AMN1: variants seen among roughly 807,000 people sequenced by gnomAD.
AMN1 encodes antagonist of mitotic exit network 1 homolog.
Under a neutral mutation model 33.0 loss-of-function variants are expected in AMN1, and 20 were observed. The observed-to-expected ratio is 0.61, with a 90% CI of 0.43 to 0.88. The LOEUF is 0.88. Ranked by LOEUF, AMN1 falls within the 40% of genes least tolerant of loss-of-function variation. AMN1 has a pLI of 0.00. For synonymous variants in AMN1, 114 were observed against 111.9 expected (o/e 1.02, Z -0.12); for missense variants, 246 against 307.4 (o/e 0.80, Z 1.49).
chr12:31,709,174 A>AT, intron 2 of AMN1, 119 bp downstream of exon 2: 3 of 495,778 alleles, frequency 6.1e-6, no homozygotes, highest in Non-Finnish European at 9.1e-6. Context: ...GACCCTGTAT[A>AT]AAAAAAAAAA....
In AMN1 at chr12:31,704,877, G is replaced by C. The variant is rs567572913; in HGVS notation, c.172-2870C>G. On this transcript the variant is annotated intron_variant, in intron 2 of 6. Transcript: ENST00000281471. ...CCATCAAACAAAAACCTAAGTCACT[G>C]AAGGATAAGCTAAAGGGATAGTAAG... Among the ~76,000 whole-genome samples the C allele has an allele frequency of 1.4e-4, 21 of 152,276 alleles. No homozygotes were observed. The South Asian group carries it at 3.9e-3, about 29-fold the overall frequency.
At chr12:31,677,901 T>G (rs957474469) in intron 6 of AMN1, among the ~76,000 whole-genome samples, 1 of 152,192 alleles carries the variant, frequency 6.6e-6, no homozygotes, top group Non-Finnish European at 1.5e-5. Context: ...AATTCTCTGA[T>G]GTACCCTTGT....
At position 31,677,821 on chromosome 12, in the gene AMN1, G is replaced by A. The variant is rs138569565; in HGVS notation, c.704-5444C>T. Among the ~76,000 whole-genome samples, 344 of 152,192 alleles carry A rather than the reference G, an allele frequency of 2.3e-3. 4 individuals carry two copies. The highest frequency in any genetic ancestry group is 7.9e-3 in the African/African-American group (327 of 41,532). ...GAAACTAGAACCCTTTTCCCCAAAGGAAGACATAAAACCTACAAATATTAC... is the reference window on the plus strand; with the variant it reads ...GAAACTAGAACCCTTTTCCCCAAAGAAAGACATAAAACCTACAAATATTAC... On this transcript the variant is annotated intron_variant, in intron 6 of 6. Coordinates refer to ENST00000281471, the MANE Select transcript of AMN1 (RefSeq NM_001113402.2).
At chr12:31,706,922 C>G (rs1939265474) in intron 2 of AMN1, among the ~76,000 whole-genome samples, 1 of 152,018 alleles carries the variant, frequency 6.6e-6, no homozygotes, top group South Asian at 2.1e-4. Context: ...CTGATTCCAT[C>G]AGGAGCAGAG....
At chr12:31,704,559 T>C (rs892156836) in intron 2 of AMN1, among the ~76,000 whole-genome samples, 2 of 152,072 alleles carry the variant, frequency 1.3e-5, no homozygotes, top group East Asian at 1.9e-4. Context: ...TCCATCCAAC[T>C]TTTTTTCTTG....
intron 5 of AMN1, among the ~76,000 whole-genome samples, chr12:31,695,269 GA>G (rs1218554778): frequency 6.6e-6 from 1 of 151,898 alleles, no homozygotes; most frequent in East Asian, 1.9e-4. Context: ...TAATTTAACT[GA>G]GAACTTTATT....
Position 31,687,816 on chromosome 12 carries a change from G to T in AMN1, c.703+1191C>A, listed in dbSNP as rs1938332848. Among the ~76,000 whole-genome samples, 1 of 152,112 alleles carries T rather than the reference G, an allele frequency of 6.6e-6. No individual in the cohort carries two copies. On this transcript the variant is annotated intron_variant, in intron 6 of 6. Coordinates refer to ENST00000281471, the MANE Select transcript of AMN1 (RefSeq NM_001113402.2). This position sits in a 1 kb window ranked among gnomAD's most constrained non-coding sequence, Gnocchi z 4.1. ...ATATTACGGTGTGGACCTATTATAG[G>T]GGTAATATGAAAGGGTGCCATGGTT...
intron 1 of AMN1, among the ~76,000 whole-genome samples, chr12:31,722,277 GTGTTA>G (rs1407007458): frequency 6.6e-6 from 1 of 152,078 alleles, no homozygotes; most frequent in Non-Finnish European, 1.5e-5. Context: ...TGATCAAAAT[GTGTTA>G]TGTTTTTGGT....
chr12:31,722,493 CT>C, intron 1 of AMN1, among the ~76,000 whole-genome samples: 1 of 152,230 alleles, frequency 6.6e-6, no homozygotes, highest in Admixed American at 6.5e-5. Context: ...TCACACTCTC[CT>C]GGTCCATGCA....
chr12:31,691,086 C>T (rs1185444897), intron 5 of AMN1, among the ~76,000 whole-genome samples: 2 of 150,042 alleles, frequency 1.3e-5, no homozygotes, highest in Admixed American at 6.7e-5. Flanking sequence ...TGCAGTGAGC[C>T]GAGATCATGC....
intron 6 of AMN1, chr12:31,673,507 T>C (rs1211962737): frequency 1.3e-5 from 3 of 238,540 alleles, no homozygotes; most frequent in Non-Finnish European, 2.6e-5. Flanking sequence ...CAATCAAAGA[T>C]AGATTCAAAT....
At chr12:31,727,969 A>C (rs930231653) in intron 1 of AMN1, among the ~76,000 whole-genome samples, 4 of 151,752 alleles carry the variant, frequency 2.6e-5, no homozygotes, top group African/African-American at 9.7e-5. Flanking sequence ...TCCTGATCTC[A>C]AGTGCCTCGG....
upstream of AMN1, chr12:31,729,044 G>C (rs2139744461): frequency 6.6e-7 from 1 of 1,524,982 alleles, no homozygotes; most frequent in Non-Finnish European, 8.9e-7. Context: ...GCGGTCCCAG[G>C]GCCTCCAGAA....
intron 1 of AMN1, among the ~76,000 whole-genome samples, chr12:31,717,120 C>T (rs1182453699): frequency 6.6e-6 from 1 of 152,082 alleles, no homozygotes; most frequent in Non-Finnish European, 1.5e-5. Flanking sequence ...TCCCCCCAAC[C>T]ACAGGCCCCG....
intron 6 of AMN1, among the ~76,000 whole-genome samples, chr12:31,682,432 G>A (rs1044698744): frequency 6.6e-6 from 1 of 151,242 alleles, no homozygotes; most frequent in Non-Finnish European, 1.5e-5. Context: ...CTACTCAGAA[G>A]GGGGAGGGTA....
At chr12:31,685,571 C>T (rs991401055) in intron 6 of AMN1, among the ~76,000 whole-genome samples, 5 of 151,962 alleles carry the variant, frequency 3.3e-5, no homozygotes, top group East Asian at 1.9e-4. Flanking sequence ...GAGGCCAAGG[C>T]GGGCAGATCA....
intron 1 of AMN1, among the ~76,000 whole-genome samples, chr12:31,724,280 T>C (rs1565784224): frequency 6.6e-6 from 1 of 152,170 alleles, no homozygotes; most frequent in Non-Finnish European, 1.5e-5. Context: ...TGTAACAATA[T>C]GCCAGCATCA....
chr12:31,711,756 G>A (rs928181195), intron 1 of AMN1, among the ~76,000 whole-genome samples: 3 of 152,084 alleles, frequency 2.0e-5, no homozygotes, highest in Non-Finnish European at 2.9e-5. Context: ...ATTTTGAAGT[G>A]TATAATAGAT....
rs367623122 is a variant in AMN1, at chr12:31,674,861, CAA to C, written c.704-2486_704-2485del. Among the ~76,000 whole-genome samples, 1,272 of 143,234 alleles carry C rather than the reference CAA, an allele frequency of 8.9e-3. 17 individuals are homozygous for C. Among genetic ancestry groups the C allele is most frequent in the African/African-American group, 0.031 (1,200 of 39,236 alleles). 94.0% of individuals were successfully genotyped at this position (143,234 alleles called of 152,430 possible). A position where few individuals can be genotyped will look rare whatever the true frequency, so the allele number is the denominator to read the frequency against. On this transcript the variant is annotated intron_variant, in intron 6 of 6. Coordinates refer to ENST00000281471, the MANE Select transcript of AMN1 (RefSeq NM_001113402.2). ...GAAAACCCCGTCTCTACTAAAAATA[CAA>C]AAAAAAAAATTAGCCATGCATGGTG... is the stretch of plus-strand genomic sequence containing the variant.
Sources: allele counts gnomAD v4.1 joint callset (sites outside exome capture counted in the v4.1 genomes callset), GRCh38; gene constraint gnomAD v4.1.1; non-coding constraint Gnocchi (gnomAD v3.1); transcripts MANE v1.5; gene names NCBI Gene and HGNC (gene_info 2026-07-23, HGNC 2026-07-21).